The following RNLS variants were observed in gnomAD, a reference collection of about 807,000 sequenced individuals.
The protein encoded by RNLS is renalase, FAD dependent amine oxidase.
Under a neutral mutation model 39.8 loss-of-function variants are expected in RNLS, and 39 were observed. The observed-to-expected ratio is 0.98, with a 90% CI of 0.76 to 1.28. RNLS has a LOEUF of 1.28. Ranked by LOEUF, RNLS falls within the 50% of genes most tolerant of loss-of-function variation. The pLI, the probability that RNLS is intolerant of heterozygous loss-of-function variation, is 0.00. For synonymous variants in RNLS, 147 were observed against 150.7 expected (o/e 0.98, Z 0.18); for missense variants, 410 against 413.3 (o/e 0.99, Z 0.07).
At chr10:88,404,216 A>G (rs1042995700) in intron 4 of RNLS, among the ~76,000 whole-genome samples, 14 of 152,090 alleles carry the variant, frequency 9.2e-5, no homozygotes, top group African/African-American at 3.4e-4. Flanking sequence ...GTTATTATAC[A>G]TGAGGTATGG....
At chr10:88,509,297 C>T (rs1329309588) in intron 4 of RNLS, among the ~76,000 whole-genome samples, 2 of 152,054 alleles carry the variant, frequency 1.3e-5, no homozygotes, top group Non-Finnish European at 2.9e-5. Flanking sequence ...GACAGAATTG[C>T]ACTTGTCTGT....
intron 4 of RNLS, among the ~76,000 whole-genome samples, chr10:88,373,026 T>C (rs1173081108): frequency 1.3e-5 from 2 of 149,660 alleles, no homozygotes; most frequent in Non-Finnish European, 3.0e-5. Flanking sequence ...ATCATACATA[T>C]TTATTTTACA....
At chr10:88,178,846 A>G in the RNLS span, among the ~76,000 whole-genome samples, 1 of 152,168 alleles carries the variant, frequency 6.6e-6, no homozygotes, top group African/African-American at 2.4e-5. Flanking sequence ...TGGGGCTCCC[A>G]TTAGGATTGT....
chr10:88,399,192 A>T (rs1318680824), intron 4 of RNLS, among the ~76,000 whole-genome samples: 1 of 152,028 alleles, frequency 6.6e-6, no homozygotes, highest in African/African-American at 2.4e-5. Flanking sequence ...TGGGAATATA[A>T]ATGGTACAAC....
At chr10:88,174,470 G>C in the RNLS span, among the ~76,000 whole-genome samples, 1 of 152,042 alleles carries the variant, frequency 6.6e-6, no homozygotes, top group African/African-American at 2.4e-5. Flanking sequence ...TATCATGAAG[G>C]GATGTTGAAT....
chr10:88,268,478 TG>T, the RNLS span, among the ~76,000 whole-genome samples: 5 of 152,172 alleles, frequency 3.3e-5, no homozygotes, highest in Admixed American at 6.5e-5. Context: ...GGGAGGTGGC[TG>T]TGGGGGGGTT....
At chr10:88,522,705 A>G (rs911108646) in intron 4 of RNLS, among the ~76,000 whole-genome samples, 3 of 152,074 alleles carry the variant, frequency 2.0e-5, no homozygotes, top group Non-Finnish European at 2.9e-5. Context: ...AAACTAATCA[A>G]AGAGATTAAA....
chr10:88,223,056 T>C, the RNLS span, among the ~76,000 whole-genome samples: 1 of 152,196 alleles, frequency 6.6e-6, no homozygotes, highest in South Asian at 2.1e-4. Flanking sequence ...CCTATATGAT[T>C]AATGAGGCAA....
At chr10:88,186,471 C>G in the RNLS span, among the ~76,000 whole-genome samples, 2 of 152,128 alleles carry the variant, frequency 1.3e-5, no homozygotes, top group African/African-American at 2.4e-5. Context: ...CTGTTCATCT[C>G]TCGCCTCTCT....
the RNLS span, among the ~76,000 whole-genome samples, chr10:88,232,941 A>G: frequency 6.6e-6 from 1 of 152,230 alleles, no homozygotes; most frequent in African/African-American, 2.4e-5. Context: ...TGTGACAAGT[A>G]TGTACATGTT....
intron 5 of RNLS, among the ~76,000 whole-genome samples, chr10:88,345,743 G>C (rs929413774): frequency 2.6e-5 from 4 of 152,142 alleles, no homozygotes; most frequent in African/African-American, 9.6e-5. Context: ...AGGTAAGTAA[G>C]TGAAGCTCAG....
intron 4 of RNLS, among the ~76,000 whole-genome samples, chr10:88,469,154 T>C (rs531679970): frequency 6.6e-6 from 1 of 152,324 alleles, no homozygotes; most frequent in East Asian, 1.9e-4. Context: ...ACACCTTATG[T>C]ATTGTCATCT....
chr10:88,223,951 C>T, the RNLS span, among the ~76,000 whole-genome samples: 2 of 151,278 alleles, frequency 1.3e-5, no homozygotes, highest in Non-Finnish European at 2.9e-5. Context: ...GAAGAAGATT[C>T]CAGTTGGTAT....
At chr10:88,568,711 C>T (rs1849656750) in intron 4 of RNLS, among the ~76,000 whole-genome samples, 1 of 152,080 alleles carries the variant, frequency 6.6e-6, no homozygotes, top group African/African-American at 2.4e-5. Context: ...AAAAGAGATA[C>T]AAATTGTTTG....
At chr10:88,462,522 A>T (rs1343384567) in intron 4 of RNLS, among the ~76,000 whole-genome samples, 1 of 152,032 alleles carries the variant, frequency 6.6e-6, no homozygotes, top group Admixed American at 6.6e-5. Context: ...TCTACCAGGT[A>T]CTAGGAAAAT....
the RNLS span, among the ~76,000 whole-genome samples, chr10:88,196,192 C>T: frequency 8.9e-5 from 11 of 123,866 alleles, no homozygotes; most frequent in South Asian, 2.8e-4. Flanking sequence ...CCTACAATTT[C>T]GTATACTTTG....
rs1486787384 is a variant in RNLS at position 88,285,406 on chromosome 10, C to A, written c.977G>T (p.Gly326Val). 1 of 1,612,754 alleles carries A rather than the reference C, an allele frequency of 6.2e-7. No individual in the cohort carries two copies. The highest frequency in any genetic ancestry group is 8.5e-7 in the Non-Finnish European group (1 of 1,179,244). ...AACACATAGGGCAGAAGTGATGCAGCCATCAAAGTTGGACTGAGTAAATCC... is the reference window on the plus strand; with the variant it reads ...AACACATAGGGCAGAAGTGATGCAGACATCAAAGTTGGACTGAGTAAATCC... Reference protein sequence around the residue: ...GDGFTQSNFDGCITSALCVLE... With the variant: ...GDGFTQSNFDVCITSALCVLE... Residue 326 changes from glycine (G) to valine (V), a missense_variant, in exon 7 of 7, where the codon GGC becomes GTC. Transcript: ENST00000331772.
At chr10:88,227,242 A>G in the RNLS span, among the ~76,000 whole-genome samples, 2 of 152,338 alleles carry the variant, frequency 1.3e-5, no homozygotes, top group African/African-American at 4.8e-5. Context: ...CTTAGCCTAG[A>G]TACAGCAATG....
chr10:88,475,679 C>A (rs1025206773), intron 4 of RNLS, among the ~76,000 whole-genome samples: 2 of 152,096 alleles, frequency 1.3e-5, no homozygotes, highest in African/African-American at 4.8e-5. Context: ...CTGTGAGGAT[C>A]CAGAGATCAC....
Sources: allele counts gnomAD v4.1 joint callset (sites outside exome capture counted in the v4.1 genomes callset), GRCh38; gene constraint gnomAD v4.1.1; transcripts MANE v1.5; gene names NCBI Gene and HGNC (gene_info 2026-07-23, HGNC 2026-07-21).